The following UBAC2 variants were observed in gnomAD, a reference collection of about 807,000 sequenced individuals.
The protein encoded by UBAC2 is ubiquitin-associated domain-containing protein 2.
In UBAC2, 26 loss-of-function variants were observed where a neutral mutation model predicts 44.0. The observed-to-expected ratio is 0.59, with a 90% CI of 0.43 to 0.82. The LOEUF (loss-of-function observed/expected upper bound fraction) is 0.82, where lower values mean the gene tolerates loss of function less well. Ranked by LOEUF, UBAC2 falls within the 40% of genes least tolerant of loss-of-function variation. UBAC2 has a pLI of 0.00. For missense variants in UBAC2, 329 were observed against 419.4 expected (o/e 0.78, Z 1.88); for synonymous variants, 155 against 154.3 (o/e 1.00, Z -0.04).
intron 2 of UBAC2, among the ~76,000 whole-genome samples, 199 bp from the exon 3 acceptor site, chr13:99,243,633 C>T (rs1196878340): frequency 1.3e-5 from 2 of 152,130 alleles, no homozygotes; most frequent in East Asian, 1.9e-4. Context: ...AAGTACCTTT[C>T]GTGCCACTGT....
At chr13:99,375,159 C>T (rs1199449872) in intron 8 of UBAC2, among the ~76,000 whole-genome samples, 1 of 152,188 alleles carries the variant, frequency 6.6e-6, no homozygotes, top group Non-Finnish European at 1.5e-5. Flanking sequence ...CCAGCCTTAA[C>T]TAAAGACCTG....
intron 4 of UBAC2, chr13:99,256,250 T>A (rs1242312526): frequency 6.2e-6 from 1 of 160,566 alleles, no homozygotes; most frequent in Non-Finnish European, 1.4e-5. Context: ...TTCTCTAGTT[T>A]GAAAATGAAG....
chr13:99,342,657 A>G (rs2044909117), intron 7 of UBAC2, among the ~76,000 whole-genome samples: 1 of 152,050 alleles, frequency 6.6e-6, no homozygotes, highest in African/African-American at 2.4e-5. Flanking sequence ...TCCACCTTCC[A>G]TTTGGTGCCT....
chr13:99,310,337 A>G (rs1421112851), intron 4 of UBAC2, among the ~76,000 whole-genome samples: 1 of 152,184 alleles, frequency 6.6e-6, no homozygotes, highest in Non-Finnish European at 1.5e-5. Context: ...TGTCTCAAGA[A>G]AAAAAGAAAG....
intron 4 of UBAC2, among the ~76,000 whole-genome samples, chr13:99,307,657 G>A (rs2044355857): frequency 6.6e-6 from 1 of 151,886 alleles, no homozygotes; most frequent in Admixed American, 6.6e-5. Flanking sequence ...TTTCTGTAAA[G>A]GTTTAAGTAT....
rs2138799562 is a variant in UBAC2 at position 99,327,894 on chromosome 13, T to C, written c.561+9825T>C. Among the ~76,000 whole-genome samples, 4 of 152,300 alleles carry C rather than the reference T, an allele frequency of 2.6e-5. 1 individual carries two copies. The Middle Eastern group carries it at 0.014, about 518-fold the overall frequency. On this transcript the variant is annotated intron_variant, in intron 6 of 8. Transcript: ENST00000403766. ...TACAATAGAACTCACCAATTTTAAG[T>C]GTATAGTTCGTTGAACTTTGGTAGT...
intron 8 of UBAC2, among the ~76,000 whole-genome samples, chr13:99,375,970 ATTTTTT>A (rs34164759): frequency 3.1e-5 from 4 of 130,836 alleles, no homozygotes; most frequent in East Asian, 2.2e-4. Flanking sequence ...AGCCCAGCTA[ATTTTTT>A]TTTTTTTTTT....
chr13:99,322,332 A>G (rs1346385333), intron 6 of UBAC2, among the ~76,000 whole-genome samples: 2 of 152,324 alleles, frequency 1.3e-5, no homozygotes, highest in South Asian at 2.1e-4. Context: ...TGAGCCATCT[A>G]CATCTCAGAA....
chr13:99,355,548 C>G (rs575800605), intron 7 of UBAC2, among the ~76,000 whole-genome samples: 2 of 152,368 alleles, frequency 1.3e-5, no homozygotes, highest in African/African-American at 4.8e-5. Context: ...ACGCCACCCT[C>G]TCACCACCAC....
intron 5 of UBAC2, 49 bp downstream of exon 5, chr13:99,314,269 T>TG: frequency 2.0e-6 from 3 of 1,538,382 alleles, no homozygotes; most frequent in Non-Finnish European, 2.6e-6. Context: ...GATCTTTTTT[T>TG]TTTTTTTTTT....
At chr13:99,237,813 G>A (rs932988506) in intron 1 of UBAC2, among the ~76,000 whole-genome samples, 6 of 152,164 alleles carry the variant, frequency 3.9e-5, no homozygotes, top group Non-Finnish European at 8.8e-5. Flanking sequence ...AAATTAGCCA[G>A]GCATGGTGGC....
intron 8 of UBAC2, among the ~76,000 whole-genome samples, chr13:99,376,523 C>T (rs568691587): frequency 5.6e-4 from 85 of 152,360 alleles, no homozygotes; most frequent in African/African-American, 1.8e-3. Context: ...CCAGCTGCAC[C>T]TTGGTGTCCT....
chr13:99,357,291 C>G (rs545790286), intron 7 of UBAC2, among the ~76,000 whole-genome samples: 13 of 152,286 alleles, frequency 8.5e-5, no homozygotes, highest in Middle Eastern at 6.8e-3. Flanking sequence ...AACAAAGTCA[C>G]CCAACAGCAC....
chr13:99,270,925 G>T (rs1247056038), intron 4 of UBAC2, among the ~76,000 whole-genome samples: 2 of 152,184 alleles, frequency 1.3e-5, no homozygotes, highest in Admixed American at 6.5e-5. Flanking sequence ...ATGAATGAAT[G>T]AGAGAATTCT....
intron 1 of UBAC2, among the ~76,000 whole-genome samples, chr13:99,209,795 G>A (rs921797301): frequency 2.6e-5 from 4 of 152,148 alleles, no homozygotes; most frequent in Non-Finnish European, 5.9e-5. Context: ...CCAACATGGT[G>A]AAACCCTATC....
intron 1 of UBAC2, chr13:99,215,248 C>A: frequency 1.5e-6 from 1 of 649,746 alleles, no homozygotes; most frequent in East Asian, 2.7e-5. Context: ...TCCAACTTGC[C>A]CAAATAGAAT....
At position 99,340,331 on chromosome 13, in the gene UBAC2, G is replaced by C. The variant is rs760420083; in HGVS notation, c.573G>C (p.Leu191=). 6.2e-7 allele frequency: 1 copy of C among 1,614,160 alleles called. No homozygotes were observed. The highest frequency in any genetic ancestry group is 8.5e-7 in the Non-Finnish European group (1 of 1,180,002). Residue 191 remains leucine (L), a synonymous_variant, in exon 7 of 9, where the codon CTG becomes CTC. Transcript: ENST00000403766. ...IVAISGLMSG[L]CYDSKMFQVH... ...CGTTTTTCTTCTAGATGTCCGGTCT[G>C]TGCTACGACAGCAAAATGTTCCAGG...
chr13:99,317,974 C>A (rs1296523414), intron 5 of UBAC2, 48 bp from the exon 6 acceptor site: 2 of 1,473,906 alleles, frequency 1.4e-6, no homozygotes, highest in East Asian at 2.3e-5. Context: ...TGTGCTGTGA[C>A]TGGCAGTTGA....
At chr13:99,363,835 A>G (rs1168793512) in intron 7 of UBAC2, among the ~76,000 whole-genome samples, 1 of 152,222 alleles carries the variant, frequency 6.6e-6, no homozygotes, top group East Asian at 1.9e-4. Flanking sequence ...AGATTATAGG[A>G]TTACATGTTA....
Sources: allele counts gnomAD v4.1 joint callset (sites outside exome capture counted in the v4.1 genomes callset), GRCh38; gene constraint gnomAD v4.1.1; transcripts MANE v1.5; gene names NCBI Gene and HGNC (gene_info 2026-07-23, HGNC 2026-07-21).